Variants in DRD2 observed in about 807,000 individuals in gnomAD.
DRD2 encodes D(2) dopamine receptor.
In DRD2, 8 loss-of-function variants were observed where a neutral mutation model predicts 38.0. The observed-to-expected ratio is 0.21, with a 90% CI of 0.12 to 0.38. The LOEUF (loss-of-function observed/expected upper bound fraction) is 0.38, where lower values mean the gene tolerates loss of function less well. DRD2 is among the 10% of genes least tolerant of loss of function. The probability of loss-of-function intolerance (pLI) is 1.00; values close to 1 mark genes in which losing one functional copy is unlikely to be tolerated. For synonymous variants in DRD2, 230 were observed against 238.6 expected (o/e 0.96, Z 0.33); for missense variants, 403 against 607.7 (o/e 0.66, Z 3.54).
chr11:113,449,587 A>C (rs1335539784), intron 1 of DRD2, among the ~76,000 whole-genome samples: 1 of 152,170 alleles, frequency 6.6e-6, no homozygotes, highest in Non-Finnish European at 1.5e-5. Flanking sequence ...ATAGGTGCAC[A>C]GTAAAACTTC....
chr11:113,434,929 G>A (rs990650439), intron 1 of DRD2, among the ~76,000 whole-genome samples: 10 of 152,134 alleles, frequency 6.6e-5, no homozygotes, highest in East Asian at 3.9e-4. Flanking sequence ...CCCAGCTATC[G>A]AAAGGGCCCC....
intron 1 of DRD2, among the ~76,000 whole-genome samples, chr11:113,456,323 G>A (rs1387386848): frequency 6.6e-6 from 1 of 152,164 alleles, no homozygotes; most frequent in African/African-American, 2.4e-5. Context: ...TAGGCAACAG[G>A]AATAAGTTTT....
chr11:113,471,349 C>T (rs565183748), intron 1 of DRD2, among the ~76,000 whole-genome samples: 32 of 152,328 alleles, frequency 2.1e-4, no homozygotes, highest in African/African-American at 7.7e-4. Context: ...CATTAGTCTA[C>T]TGCTCAAATT....
chr11:113,444,671 A>T (rs936690309), intron 1 of DRD2, among the ~76,000 whole-genome samples: 4 of 152,168 alleles, frequency 2.6e-5, no homozygotes, highest in Non-Finnish European at 4.4e-5. Flanking sequence ...GATGACGGTG[A>T]TTGCTCCTTT....
chr11:113,442,008 A>T (rs970502567), intron 1 of DRD2, among the ~76,000 whole-genome samples: 1 of 152,066 alleles, frequency 6.6e-6, no homozygotes, highest in African/African-American at 2.4e-5. Context: ...TATATGGTGA[A>T]TTTTTTCAGA....
intron 1 of DRD2, among the ~76,000 whole-genome samples, chr11:113,468,635 C>A (rs1218007469): frequency 6.6e-6 from 1 of 152,146 alleles, no homozygotes; most frequent in Non-Finnish European, 1.5e-5. Context: ...GCAACCTCTA[C>A]CTCCCAGGTT....
rs895288765 is a variant in DRD2 at position 113,418,286 on chromosome 11, C to T, written c.286-150G>A. 3.6e-5 allele frequency: 25 copies of T among 701,144 alleles called. No individual in the cohort carries two copies. In the Admixed American group the frequency reaches 4.5e-4, roughly 12 times the overall value. 43.4% of individuals were successfully genotyped at this position (701,144 alleles called of 1,614,324 possible). Reference sequence around the variant, plus strand: ...TCCAGCTGGGGTGTGGGGAGTGATGCCCATGGGTGTCTGAGGCCCTTGCCC... The same window carrying T: ...TCCAGCTGGGGTGTGGGGAGTGATGTCCATGGGTGTCTGAGGCCCTTGCCC... On this transcript the variant is annotated intron_variant, in intron 2 of 7. Transcript: ENST00000362072.
intron 2 of DRD2, among the ~76,000 whole-genome samples, chr11:113,420,854 G>T (rs1260842914): frequency 6.6e-6 from 1 of 152,164 alleles, no homozygotes; most frequent in Non-Finnish European, 1.5e-5. Flanking sequence ...AGTGGCCCCA[G>T]GTTCCCTAGT....
intron 1 of DRD2, among the ~76,000 whole-genome samples, chr11:113,444,884 G>GT (rs1951130033): frequency 2.0e-5 from 3 of 152,176 alleles, no homozygotes; most frequent in Non-Finnish European, 4.4e-5. Flanking sequence ...TGCAGAGAGG[G>GT]TAACGTGGCT....
At chr11:113,465,411 G>GTTGTTTGTTTGTTTGT (rs6144513) in intron 1 of DRD2, among the ~76,000 whole-genome samples, 51 of 150,506 alleles carry the variant, frequency 3.4e-4, no homozygotes, top group Non-Finnish European at 6.6e-4. Flanking sequence ...TGTTGTTGTT[G>GTTGTTTGTTTGTTTGT]TTGTTTGTTT....
At position 113,410,495 on chromosome 11, in the gene DRD2, T is replaced by TG. The variant is rs1229136572; in HGVS notation, c.*231dup. On this transcript the variant is annotated 3_prime_UTR_variant, in exon 8 of 8. Transcript: ENST00000362072. ...GGGACTCTATGAGCTGCCCCTGAGC[T>TG]GGGGGGCCCAGCCCCAGGGCTGGTA... 1.3e-5 allele frequency: 8 copies of TG among 606,298 alleles called. No homozygotes were observed. The highest frequency in any genetic ancestry group is 1.9e-5 in the South Asian group (1 of 52,160). 37.6% of individuals were successfully genotyped at this position (606,298 alleles called of 1,614,324 possible). A position where few individuals can be genotyped will look rare whatever the true frequency, so the allele number is the denominator to read the frequency against.
intron 1 of DRD2, among the ~76,000 whole-genome samples, chr11:113,431,882 G>C (rs905633190): frequency 6.6e-6 from 1 of 152,178 alleles, no homozygotes; most frequent in East Asian, 1.9e-4. Flanking sequence ...CCAGATACCC[G>C]GGGCTAAGCT....
chr11:113,437,267 T>C (rs1338766460), intron 1 of DRD2, among the ~76,000 whole-genome samples: 2 of 152,210 alleles, frequency 1.3e-5, no homozygotes, highest in Non-Finnish European at 2.9e-5. Context: ...TCAGTGGATC[T>C]GCCTGCAGAA....
intron 1 of DRD2, among the ~76,000 whole-genome samples, chr11:113,472,365 G>T (rs1206609025): frequency 6.6e-6 from 1 of 152,176 alleles, no homozygotes; most frequent in Non-Finnish European, 1.5e-5. Flanking sequence ...GCTTCAGCAA[G>T]ACAATCTCAG....
At chr11:113,449,259 C>G (rs1565673990) in intron 1 of DRD2, among the ~76,000 whole-genome samples, 1 of 152,180 alleles carries the variant, frequency 6.6e-6, no homozygotes, top group African/African-American at 2.4e-5. Context: ...GAATAGCCTT[C>G]CCTGAACCCT....
intron 1 of DRD2, among the ~76,000 whole-genome samples, chr11:113,457,907 A>G (rs1951281975): frequency 1.3e-5 from 2 of 152,266 alleles, no homozygotes; most frequent in Admixed American, 6.5e-5. Flanking sequence ...TGAACCTAAC[A>G]GCAGCCTCTT....
chr11:113,436,905 C>T (rs2119835590), intron 1 of DRD2, among the ~76,000 whole-genome samples: 1 of 152,276 alleles, frequency 6.6e-6, no homozygotes, highest in Non-Finnish European at 1.5e-5. Context: ...CTGCCAGACT[C>T]TCCCTCTGTT....
chr11:113,441,135 G>A (rs1352593454), intron 1 of DRD2, among the ~76,000 whole-genome samples: 1 of 152,174 alleles, frequency 6.6e-6, no homozygotes, highest in Non-Finnish European at 1.5e-5. Context: ...CCCTCCAATG[G>A]ATGCTGAAGT....
chr11:113,435,218 T>TG (rs1261060204), intron 1 of DRD2, among the ~76,000 whole-genome samples: 2 of 151,886 alleles, frequency 1.3e-5, no homozygotes, highest in Non-Finnish European at 2.9e-5. Context: ...CAGGAAGGGG[T>TG]GTCTGCCTGA....
Sources: gnomAD v4.1 joint callset for allele counts (sites outside exome capture counted in the v4.1 genomes callset) on GRCh38, gnomAD v4.1.1 for gene constraint, MANE v1.5 for transcripts, NCBI Gene and HGNC (gene_info 2026-07-23, HGNC 2026-07-21) for gene names.